TACR3: variants seen among roughly 807,000 people sequenced by gnomAD.
The protein encoded by TACR3 is neuromedin-K receptor.
In TACR3, 34 loss-of-function variants were observed where a neutral mutation model predicts 35.0. The ratio of observed to expected loss-of-function variants is 0.97; its 90% CI spans 0.74 to 1.30. The LOEUF (loss-of-function observed/expected upper bound fraction) is 1.30. TACR3 is among the 50% of genes most tolerant of loss of function. The probability of loss-of-function intolerance (pLI) is 0.00; values close to 1 mark genes in which losing one functional copy is unlikely to be tolerated. For synonymous variants in TACR3, 233 were observed against 221.1 expected (o/e 1.05, Z -0.48); for missense variants, 558 against 591.7 (o/e 0.94, Z 0.59).
rs750829984 is a variant in TACR3, at chr4:103,591,644, T to G, written c.928A>C (p.Ile310Leu). 3 of 1,613,590 alleles carry G rather than the reference T, an allele frequency of 1.9e-6. No homozygotes were observed. The highest frequency in any genetic ancestry group is 1.7e-6 in the Non-Finnish European group (2 of 1,179,768). The change falls in exon 4 of 5, where the codon ATC becomes CTC. Residue 310 changes from isoleucine to leucine, a missense_variant. Ile to Leu is a conservative substitution (Grantham distance 5). Coordinates refer to ENST00000304883, the MANE Select transcript of TACR3 (RefSeq NM_001059.3). The part of the protein sequence containing the change: ...MMIIVVMTFA[I>L]CWLPYHIYFI... ...TAAATATGATAGGGCAGCCAGCAGATAGCAAATGTCATGACAACAATAATC... is the reference window on the plus strand; with the variant it reads ...TAAATATGATAGGGCAGCCAGCAGAGAGCAAATGTCATGACAACAATAATC...
At chr4:103,621,689 C>T (rs1337678855) in intron 3 of TACR3, among the ~76,000 whole-genome samples, 1 of 152,064 alleles carries the variant, frequency 6.6e-6, no homozygotes, top group African/African-American at 2.4e-5. Flanking sequence ...GACCACTGTA[C>T]AGATATTAAG....
At chr4:103,632,451 A>C (rs1725088971) in intron 3 of TACR3, among the ~76,000 whole-genome samples, 2 of 151,894 alleles carry the variant, frequency 1.3e-5, no homozygotes, top group South Asian at 2.1e-4. Context: ...ATCAAACATC[A>C]CATGATCTCT....
intron 3 of TACR3, among the ~76,000 whole-genome samples, chr4:103,633,520 C>A (rs943178972): frequency 6.6e-6 from 1 of 152,010 alleles, no homozygotes; most frequent in African/African-American, 2.4e-5. Context: ...ATCACCCAAG[C>A]AGTATACACT....
intron 3 of TACR3, among the ~76,000 whole-genome samples, chr4:103,645,931 T>A (rs559721584): frequency 7.2e-5 from 11 of 151,956 alleles, no homozygotes; most frequent in African/African-American, 2.2e-4. Context: ...ATCTTTCACA[T>A]CCAAGACCCT....
chr4:103,608,177 G>T (rs1724429114), intron 3 of TACR3, among the ~76,000 whole-genome samples: 1 of 152,062 alleles, frequency 6.6e-6, no homozygotes, highest in South Asian at 2.1e-4. Context: ...ATCGATAATA[G>T]ATTGGATAAA....
chr4:103,673,233 TC>T (rs1171595861), intron 1 of TACR3, among the ~76,000 whole-genome samples: 2 of 152,290 alleles, frequency 1.3e-5, no homozygotes, highest in African/African-American at 4.8e-5. Flanking sequence ...TACTTTCCAT[TC>T]AGAACTTGGC....
chr4:103,644,525 TAAA>T (rs1725420225), intron 3 of TACR3, among the ~76,000 whole-genome samples: 1 of 151,804 alleles, frequency 6.6e-6, no homozygotes, highest in South Asian at 2.1e-4. Context: ...TCGGTCAAAA[TAAA>T]AACTTTTCTC....
intron 4 of TACR3, 182 bp downstream of exon 4, chr4:103,591,305 G>T (rs1723887735): frequency 3.0e-6 from 2 of 663,852 alleles, no homozygotes; most frequent in African/African-American, 1.8e-5. Flanking sequence ...TATTAATGTG[G>T]GATGCTTTAT....
intron 3 of TACR3, among the ~76,000 whole-genome samples, chr4:103,626,572 C>T (rs886576403): frequency 6.6e-6 from 1 of 152,098 alleles, no homozygotes; most frequent in Non-Finnish European, 1.5e-5. Context: ...GCGTGTAGTC[C>T]TTGCTATTCA....
At chr4:103,703,878 A>G (rs909025032) in intron 1 of TACR3, among the ~76,000 whole-genome samples, 5 of 152,094 alleles carry the variant, frequency 3.3e-5, no homozygotes, top group Non-Finnish European at 4.4e-5. Flanking sequence ...AGGTGGGCGG[A>G]TCACGAGGTC....
At chr4:103,606,825 C>T (rs1217781218) in intron 3 of TACR3, among the ~76,000 whole-genome samples, 1 of 152,142 alleles carries the variant, frequency 6.6e-6, no homozygotes, top group Non-Finnish European at 1.5e-5. Context: ...CCTTCTCCGG[C>T]CTAATTGCCC....
At chr4:103,596,169 G>A (rs903437473) in intron 3 of TACR3, among the ~76,000 whole-genome samples, 1 of 148,894 alleles carries the variant, frequency 6.7e-6, no homozygotes, top group Non-Finnish European at 1.5e-5. Flanking sequence ...ATTTGGGGTG[G>A]TTCCAAGTCT....
intron 3 of TACR3, among the ~76,000 whole-genome samples, chr4:103,642,802 A>G (rs1244204488): frequency 6.6e-6 from 1 of 151,866 alleles, no homozygotes; most frequent in African/African-American, 2.4e-5. Context: ...ATTTTAAAAT[A>G]GCTGTAAGAA....
intron 1 of TACR3, among the ~76,000 whole-genome samples, chr4:103,693,147 CATT>C (rs1203239939): frequency 6.6e-6 from 1 of 152,006 alleles, no homozygotes; most frequent in Non-Finnish European, 1.5e-5. Context: ...TACATTATAT[CATT>C]ATGGTTTTTA....
chr4:103,620,266 G>A (rs879610602), intron 3 of TACR3, among the ~76,000 whole-genome samples: 1 of 152,188 alleles, frequency 6.6e-6, no homozygotes, highest in Non-Finnish European at 1.5e-5. Context: ...TGAGGTTGTG[G>A]AGAAAAGGGA....
chr4:103,588,853 T>G lies in TACR3; in HGVS notation c.*829A>C, dbSNP rs1027888877. The G allele has an allele frequency of 2.6e-5, 4 of 152,148 alleles. No individual in the cohort carries two copies. Among genetic ancestry groups the G allele is most frequent in the Non-Finnish European group, 5.9e-5 (4 of 67,996 alleles). The allele number at this position is 152,148 out of a possible 1,614,324, so 9.4% of individuals were successfully genotyped here. The stretch of plus-strand genomic sequence containing the variant: ...AGTATTCTTCCTCTATTTATTGGAA[T>G]GTACCTTTACTGTTTTATAATCTAG... On this transcript the variant is annotated 3_prime_UTR_variant, in exon 5 of 5. Transcript: ENST00000304883.
At chr4:103,657,679 A>G (rs1306870145) in intron 2 of TACR3, among the ~76,000 whole-genome samples, 2 of 152,168 alleles carry the variant, frequency 1.3e-5, no homozygotes, top group Non-Finnish European at 2.9e-5. Context: ...ATGTGGGTAT[A>G]AAATATGAAC....
chr4:103,607,546 G>T (rs1724409144), intron 3 of TACR3, among the ~76,000 whole-genome samples: 1 of 151,980 alleles, frequency 6.6e-6, no homozygotes, highest in Non-Finnish European at 1.5e-5. Context: ...CTAGCAGGCT[G>T]GATGTTTGGA....
At chr4:103,640,931 GC>G (rs1452705559) in intron 3 of TACR3, among the ~76,000 whole-genome samples, 1 of 151,676 alleles carries the variant, frequency 6.6e-6, no homozygotes, top group Non-Finnish European at 1.5e-5. Flanking sequence ...TGTCTATTTT[GC>G]TTTTGTTGCC....
Sources: allele counts gnomAD v4.1 joint callset (sites outside exome capture counted in the v4.1 genomes callset), GRCh38; gene constraint gnomAD v4.1.1; transcripts MANE v1.5; gene names NCBI Gene and HGNC (gene_info 2026-07-23, HGNC 2026-07-21).